Variants in FER1L6 observed in about 807,000 individuals in gnomAD.
FER1L6 encodes fer-1 like family member 6, also known as fer-1-like protein 6.
A neutral mutation model predicts 219.2 loss-of-function variants in FER1L6; 177 were observed. The observed-to-expected ratio is 0.81, with a 90% CI of 0.71 to 0.91. The LOEUF (loss-of-function observed/expected upper bound fraction) is 0.91, where lower values mean the gene tolerates loss of function less well. Among genes scored for constraint, FER1L6 ranks in the 40% least tolerant of loss-of-function variants. The pLI is 0.00. For synonymous variants in FER1L6, 768 were observed against 824.3 expected, an observed-to-expected ratio of 0.93 and a Z score of 1.17; for missense variants, 2,153 against 2,259.9, an observed-to-expected ratio of 0.95 and a Z score of 0.96.
intron 18 of FER1L6, among the ~76,000 whole-genome samples, chr8:124,032,928 T>A (rs1819035283): frequency 6.6e-6 from 1 of 152,138 alleles, no homozygotes; most frequent in African/African-American, 2.4e-5. Flanking sequence ...AGAGACCAGT[T>A]GAATTTGAGT....
At chr8:124,118,706 C>A (rs1207608054) in intron 39 of FER1L6, 138 bp from the exon 40 acceptor site, 1 of 739,150 alleles carries the variant, frequency 1.4e-6, no homozygotes, top group Non-Finnish European at 2.2e-6. Flanking sequence ...AAAAAAGCAA[C>A]AACATTTATC....
At chr8:124,115,562 C>T (rs1823211815) in intron 39 of FER1L6, among the ~76,000 whole-genome samples, 1 of 152,044 alleles carries the variant, frequency 6.6e-6, no homozygotes, top group South Asian at 2.1e-4. Flanking sequence ...GGAATCTGGG[C>T]CTGTGGGACT....
In FER1L6 at chr8:124,023,502, C is replaced by G. The variant is rs748539953; in HGVS notation, c.2192C>G (p.Ala731Gly). The change falls in exon 18 of 41, where the codon GCC becomes GGC. Residue 731 changes from alanine (A) to glycine (G), a missense_variant. Coordinates refer to ENST00000522917, the MANE Select transcript of FER1L6 (RefSeq NM_001039112.2). ...IWMLSNNRRVAYARIASKDLL... is the reference protein window; with the variant it reads ...IWMLSNNRRVGYARIASKDLL... ...ATGCTCAGCAACAACAGGAGAGTGGCCTATGCCCGCATCGCCTCCAAAGAC... is the reference window on the plus strand; with the variant it reads ...ATGCTCAGCAACAACAGGAGAGTGGGCTATGCCCGCATCGCCTCCAAAGAC... The G allele has an allele frequency of 1.2e-6, 2 of 1,614,178 alleles. No individual in the cohort carries two copies. Among genetic ancestry groups the G allele is most frequent in the East Asian group, 4.5e-5 (2 of 44,884 alleles).
At chr8:123,906,650 A>C (rs1812958107) in intron 1 of FER1L6, among the ~76,000 whole-genome samples, 1 of 151,874 alleles carries the variant, frequency 6.6e-6, no homozygotes, top group Non-Finnish European at 1.5e-5. Flanking sequence ...AAATACAAAA[A>C]TTAGCTTGGC....
In FER1L6 at chr8:124,060,564, T is replaced by A; in HGVS notation, c.3002T>A (p.Val1001Asp). The part of the protein sequence containing the change: ...KYRVEVLFWG[V>D]REMKKVQLLS... ...TTTCCTCAGGTTCTCTTCTGGGGAG[T>A]TCGGGAAATGAAGAAGGTGCAGCTC... The change falls in exon 24 of 41, where the codon GTT becomes GAT. Residue 1001 changes from valine (V) to aspartate (D), a missense_variant. Coordinates refer to ENST00000522917, the MANE Select transcript of FER1L6 (RefSeq NM_001039112.2). 1 of 1,613,558 alleles carries A rather than the reference T, an allele frequency of 6.2e-7. No individual in the cohort carries two copies. The highest frequency in any genetic ancestry group is 1.1e-5 in the South Asian group (1 of 91,026).
Position 124,062,047 on chromosome 8 carries a change from T to A in FER1L6, c.3328+15T>A. 2.5e-6 allele frequency: 4 copies of A among 1,613,502 alleles called. No individual in the cohort carries two copies. The highest frequency in any genetic ancestry group is 3.4e-6 in the Non-Finnish European group (4 of 1,179,550). On this transcript the variant is annotated intron_variant, in intron 25 of 40. Coordinates refer to ENST00000522917, the MANE Select transcript of FER1L6 (RefSeq NM_001039112.2). ...GCCTGGGCACGGTGAGAAGCTGCTC[T>A]TAGATTTTGTAGCTGTAACTATAAA...
intron 32 of FER1L6, 109 bp downstream of exon 32, chr8:124,076,434 G>C: frequency 8.9e-7 from 1 of 1,119,592 alleles, no homozygotes; most frequent in East Asian, 2.4e-5. Context: ...AATGGTTCCA[G>C]GAGGTTAAAT....
chr8:123,875,293 G>A (rs1293217791), intron 1 of FER1L6, among the ~76,000 whole-genome samples: 1 of 152,182 alleles, frequency 6.6e-6, no homozygotes, highest in Non-Finnish European at 1.5e-5. Context: ...CAACTCTGCT[G>A]AAAGAGGTCA....
intron 17 of FER1L6, among the ~76,000 whole-genome samples, chr8:124,022,055 A>G (rs566948205): frequency 3.9e-4 from 60 of 152,284 alleles, no homozygotes; most frequent in African/African-American, 1.4e-3. Flanking sequence ...TTCTAGAATG[A>G]CCTGTTTAAA....
intron 1 of FER1L6, among the ~76,000 whole-genome samples, chr8:123,942,979 C>G (rs1814323989): frequency 6.6e-6 from 1 of 152,188 alleles, no homozygotes; most frequent in Non-Finnish European, 1.5e-5. Flanking sequence ...GTGGAGGCAG[C>G]AGGCTGGAGG....
chr8:123,963,268 G>A lies in FER1L6; in HGVS notation c.77-10G>A, dbSNP rs1815385882. 1 of 1,613,618 alleles carries A rather than the reference G, an allele frequency of 6.2e-7. No individual in the cohort carries two copies. The highest frequency in any genetic ancestry group is 1.7e-4 in the Middle Eastern group (1 of 6,026). ...TTCACAGGATTTTCTTCCTTTGTTT[G>A]CTTCTCCAGATAGTCAAGGTGACAC... On this transcript the variant is annotated splice_polypyrimidine_tract_variant and intron_variant, in intron 2 of 40. Transcript: ENST00000522917.
At chr8:123,855,578 A>C (rs1816618316) in intron 1 of FER1L6, among the ~76,000 whole-genome samples, 1 of 151,828 alleles carries the variant, frequency 6.6e-6, no homozygotes, top group Admixed American at 6.6e-5. Flanking sequence ...ATGGACCAAA[A>C]ACATGATCTT....
intron 1 of FER1L6, among the ~76,000 whole-genome samples, chr8:123,903,370 G>A (rs547347009): frequency 5.3e-5 from 8 of 152,138 alleles, no homozygotes; most frequent in Non-Finnish European, 1.0e-4. Context: ...CCTAGAAAAC[G>A]TAGCATTCCT....
intron 12 of FER1L6, among the ~76,000 whole-genome samples, chr8:123,998,086 G>C (rs1251509242): frequency 6.6e-6 from 1 of 152,114 alleles, no homozygotes; most frequent in Non-Finnish European, 1.5e-5. Flanking sequence ...TGGTGTTTGG[G>C]TATTGAAGAG....
At chr8:124,085,612 A>T (rs185870540) in intron 33 of FER1L6, among the ~76,000 whole-genome samples, 1 of 151,946 alleles carries the variant, frequency 6.6e-6, no homozygotes, top group East Asian at 1.9e-4. Context: ...ATTTAAAAAA[A>T]ATTTTAAAGA....
chr8:124,076,159 G>C lies in FER1L6; in HGVS notation c.4093-39G>C, dbSNP rs765968156. On this transcript the variant is annotated intron_variant, in intron 31 of 40. Transcript: ENST00000522917. ...AATCCCAGTGTACAACCAATGTTGA[G>C]AGCTATTGAACCAAAGACATTTTCT... 55 of 1,611,418 alleles carry C rather than the reference G, an allele frequency of 3.4e-5. No individual in the cohort carries two copies. In the East Asian group the frequency reaches 1.2e-3, roughly 35 times the overall value.
At chr8:124,021,493 C>A (rs1270227691) in intron 16 of FER1L6, 57 bp from the exon 17 acceptor site, 4 of 1,600,424 alleles carry the variant, frequency 2.5e-6, no homozygotes, top group South Asian at 1.1e-5. Flanking sequence ...AGCAACAGGA[C>A]GCTGCTTGTT....
At chr8:124,048,285 T>A (rs544671455) in intron 21 of FER1L6, among the ~76,000 whole-genome samples, 2 of 152,344 alleles carry the variant, frequency 1.3e-5, no homozygotes, top group South Asian at 4.1e-4. Flanking sequence ...GGCACTGACC[T>A]TGGATGGCAG....
chr8:123,921,423 C>T (rs115064537), intron 1 of FER1L6, among the ~76,000 whole-genome samples: 3,733 of 152,118 alleles, frequency 0.025, 154 homozygotes, highest in African/African-American at 0.085. Context: ...GGAGTGCAGT[C>T]GTGCCATCTT....
Sources: allele counts gnomAD v4.1 joint callset (sites outside exome capture counted in the v4.1 genomes callset), GRCh38; gene constraint gnomAD v4.1.1; transcripts MANE v1.5; gene names NCBI Gene and HGNC (gene_info 2026-07-23, HGNC 2026-07-21).